RBMS3: variants seen among roughly 807,000 people sequenced by gnomAD.
RBMS3 encodes RNA binding motif single stranded interacting protein 3, also known as RNA-binding motif, single-stranded-interacting protein 3.
RBMS3 carries 27 observed loss-of-function variants against 66.8 expected under a neutral mutation model. That is an observed-to-expected ratio of 0.40 (90% CI 0.30 to 0.56). RBMS3 has a LOEUF of 0.56. Ranked by LOEUF, RBMS3 falls within the 20% of genes least tolerant of loss-of-function variation. The pLI is 0.40. For missense variants in RBMS3, 513 were observed against 549.5 expected, an observed-to-expected ratio of 0.93 and a Z score of 0.66; for synonymous variants, 188 against 183.0, an observed-to-expected ratio of 1.03 and a Z score of -0.22.
At chr3:29,595,557 A>C (rs934515070) in intron 4 of RBMS3, among the ~76,000 whole-genome samples, 1 of 152,192 alleles carries the variant, frequency 6.6e-6, no homozygotes, top group Non-Finnish European at 1.5e-5. Flanking sequence ...AATAGTCTTC[A>C]TTCATGGCTT....
At chr3:29,638,985 CCTTT>C (rs1291142153) in intron 4 of RBMS3, among the ~76,000 whole-genome samples, 1 of 151,438 alleles carries the variant, frequency 6.6e-6, no homozygotes, top group African/African-American at 2.4e-5. Context: ...TCATAATAAT[CCTTT>C]CTTTAAGAGT....
At chr3:29,411,057 A>G (rs2040247780) in intron 1 of RBMS3, among the ~76,000 whole-genome samples, 1 of 152,140 alleles carries the variant, frequency 6.6e-6, no homozygotes, top group South Asian at 2.1e-4. Flanking sequence ...GAGTAGACTC[A>G]AGTCTCTTGC....
At chr3:29,556,780 G>A (rs1355559333) in intron 3 of RBMS3, among the ~76,000 whole-genome samples, 8 of 152,190 alleles carry the variant, frequency 5.3e-5, no homozygotes, top group Non-Finnish European at 1.0e-4. Flanking sequence ...CAGTTCTTAG[G>A]TTACTGGAGC....
intron 4 of RBMS3, among the ~76,000 whole-genome samples, chr3:29,613,432 A>G (rs1044036345): frequency 6.6e-6 from 1 of 152,122 alleles, no homozygotes; most frequent in Non-Finnish European, 1.5e-5. Flanking sequence ...TGGGTCACAC[A>G]ATTTTCCTAT....
intron 6 of RBMS3, among the ~76,000 whole-genome samples, chr3:29,844,212 G>T (rs915494505): frequency 7.9e-5 from 12 of 152,088 alleles, no homozygotes; most frequent in Non-Finnish European, 1.8e-4. Context: ...TTTTACTGAG[G>T]TGTGCTGAGA....
intron 3 of RBMS3, among the ~76,000 whole-genome samples, chr3:29,537,884 T>C (rs2045631616): frequency 6.6e-6 from 1 of 151,980 alleles, no homozygotes. Flanking sequence ...ACTTTGAATC[T>C]TTTCCATTTC....
At position 29,812,775 on chromosome 3, in the gene RBMS3, G is replaced by A. The variant is rs959849394; in HGVS notation, c.637+49786G>A. 5.3e-5 allele frequency among the ~76,000 whole-genome samples: 8 copies of A among 152,084 alleles called. No individual in the cohort carries two copies. In the South Asian group the frequency reaches 8.3e-4, roughly 16 times the overall value. On this transcript the variant is annotated intron_variant, in intron 6 of 14. Coordinates refer to ENST00000383767, the MANE Select transcript of RBMS3 (RefSeq NM_001003793.3). Reference sequence around the variant, plus strand: ...GGAAAGTCTAGAGCATGTATTTGCCGATGCCTTCTGGGTGATGGAAAGACG... The same window carrying A: ...GGAAAGTCTAGAGCATGTATTTGCCAATGCCTTCTGGGTGATGGAAAGACG...
At chr3:29,734,549 G>GT (rs926067622) in intron 4 of RBMS3, among the ~76,000 whole-genome samples, 10 of 151,990 alleles carry the variant, frequency 6.6e-5, no homozygotes, top group African/African-American at 2.2e-4. Flanking sequence ...AATTAAAAAT[G>GT]TTTTTTAAAA....
At chr3:29,982,187 C>A (rs1698040944) in intron 12 of RBMS3, among the ~76,000 whole-genome samples, 2 of 152,082 alleles carry the variant, frequency 1.3e-5, no homozygotes, top group South Asian at 4.2e-4. Context: ...TCCATTTCTT[C>A]TAGATTTTCT....
At chr3:29,520,766 T>C (rs1458371078) in intron 3 of RBMS3, among the ~76,000 whole-genome samples, 1 of 152,182 alleles carries the variant, frequency 6.6e-6, no homozygotes, top group East Asian at 1.9e-4. Flanking sequence ...TAAAAATACA[T>C]GTAGTATTTC....
intron 10 of RBMS3, among the ~76,000 whole-genome samples, chr3:29,922,490 T>A (rs1158154909): frequency 2.4e-5 from 1 of 41,632 alleles, no homozygotes; most frequent in Non-Finnish European, 5.0e-5. Flanking sequence ...CGAGACTCCG[T>A]CTCAAAAAAA....
At chr3:29,358,668 C>A (rs967126987) in intron 1 of RBMS3, among the ~76,000 whole-genome samples, 2 of 152,148 alleles carry the variant, frequency 1.3e-5, no homozygotes, top group African/African-American at 4.8e-5. Context: ...TTGATTCTTC[C>A]TATCCATGAA....
At chr3:29,369,532 A>G (rs1342902592) in intron 1 of RBMS3, among the ~76,000 whole-genome samples, 1 of 135,452 alleles carries the variant, frequency 7.4e-6, no homozygotes, top group Non-Finnish European at 1.6e-5. Context: ...ACACACACAC[A>G]CTTTGAGTGA....
intron 4 of RBMS3, among the ~76,000 whole-genome samples, chr3:29,677,538 C>G (rs889954918): frequency 3.3e-5 from 5 of 151,928 alleles, no homozygotes; most frequent in Admixed American, 6.6e-5. Flanking sequence ...TTTTTGAAAG[C>G]CTGTGCACTT....
chr3:29,537,168 A>T (rs1279963922), intron 3 of RBMS3, among the ~76,000 whole-genome samples: 1 of 152,170 alleles, frequency 6.6e-6, no homozygotes, highest in Non-Finnish European at 1.5e-5. Context: ...AAGAGAAGGT[A>T]AAAAAGGTAA....
chr3:29,759,921 C>T (rs941600484), intron 5 of RBMS3, among the ~76,000 whole-genome samples: 1 of 151,974 alleles, frequency 6.6e-6, no homozygotes, highest in Non-Finnish European at 1.5e-5. Context: ...CACTAAGCGC[C>T]GGCAGCTACA....
intron 3 of RBMS3, among the ~76,000 whole-genome samples, chr3:29,558,105 T>G (rs1269051250): frequency 6.6e-6 from 1 of 151,298 alleles, no homozygotes; most frequent in African/African-American, 2.4e-5. Flanking sequence ...GCCGAGGGAG[T>G]CCAGCAGAAA....
At chr3:29,560,854 C>A (rs1326330507) in intron 3 of RBMS3, among the ~76,000 whole-genome samples, 3 of 152,098 alleles carry the variant, frequency 2.0e-5, no homozygotes, top group Non-Finnish European at 4.4e-5. Context: ...AAGCCTAGTA[C>A]CCATTAGTTA....
At chr3:29,395,343 T>C (rs2039498342) in intron 1 of RBMS3, among the ~76,000 whole-genome samples, 1 of 152,220 alleles carries the variant, frequency 6.6e-6, no homozygotes, top group Non-Finnish European at 1.5e-5. Context: ...GTTTTATGTA[T>C]GTATTTGTAA....
Sources: allele counts gnomAD v4.1 joint callset (sites outside exome capture counted in the v4.1 genomes callset), GRCh38; gene constraint gnomAD v4.1.1; transcripts MANE v1.5; gene names NCBI Gene and HGNC (gene_info 2026-07-23, HGNC 2026-07-21).